The following RAB11B variants were observed in gnomAD, a reference collection of about 807,000 sequenced individuals.
RAB11B encodes the protein ras-related protein Rab-11B.
RAB11B carries 7 observed loss-of-function variants against 23.7 expected under a neutral mutation model. The ratio of observed to expected loss-of-function variants is 0.29; its 90% confidence interval spans 0.17 to 0.55. The LOEUF (loss-of-function observed/expected upper bound fraction) is 0.55, where lower values mean the gene tolerates loss of function less well. Among genes scored for constraint, RAB11B ranks in the 20% least tolerant of loss-of-function variants. The pLI is 0.93. For synonymous variants in RAB11B, 138 were observed against 132.0 expected, an observed-to-expected ratio of 1.05 and a Z score of -0.31; for missense variants, 189 against 320.0, an observed-to-expected ratio of 0.59 and a Z score of 3.12.
intron 4 of RAB11B, 104 bp downstream of exon 4, chr19:8,402,669 T>TTGTTTTTTTCTTTC: frequency 1.1e-6 from 1 of 942,522 alleles, no homozygotes. Flanking sequence ...TTTTTTCTTT[T>TTGTTTTTTTCTTTC]TTTTGTCGGG....
At position 8,396,713 on chromosome 19, in the gene RAB11B, G is replaced by GT. The variant is rs1220959295; in HGVS notation, c.41-3150_41-3149insT. On this transcript the variant is annotated intron_variant, in intron 1 of 4. Transcript: ENST00000328024. This position sits in a 1 kb window ranked among gnomAD's most constrained non-coding sequence, Gnocchi z 5.0. ...TGTGGCTGGAGCAGAGTGAGCCGGG[G>GT]GGGGGGCGGGAGGGAGGAGGGGAGG... Among the ~76,000 whole-genome samples the GT allele has an allele frequency of 1.4e-5, 2 of 147,158 alleles. No individual in the cohort carries two copies. Among genetic ancestry groups the GT allele is most frequent in the African/African-American group, 2.5e-5 (1 of 39,354 alleles).
In RAB11B at chr19:8,398,998, G is replaced by T. The variant is rs185370416; in HGVS notation, c.41-865G>T. On this transcript the variant is annotated intron_variant, in intron 1 of 4. Transcript: ENST00000328024. ...GATGGAGTCTCGCTCTGTCACCCAG[G>T]CTGGAGTACGGTGGCGTGATCTCGG... 1.6e-4 allele frequency among the ~76,000 whole-genome samples: 24 copies of T among 151,498 alleles called. No individual in the cohort carries two copies. In the East Asian group the frequency reaches 4.7e-3, roughly 29 times the overall value.
At chr19:8,397,380 C>G (rs997786051) in intron 1 of RAB11B, among the ~76,000 whole-genome samples, 2 of 151,976 alleles carry the variant, frequency 1.3e-5, no homozygotes. Context: ...CCCTGAGGTT[C>G]GAAGGTAGAG....
chr19:8,400,436 C>A, intron 2 of RAB11B: 1 of 261,990 alleles, frequency 3.8e-6, no homozygotes, highest in Non-Finnish European at 7.5e-6. Context: ...CCATTCCCTG[C>A]AAAGGCTTCC....
rs1238531348 is a variant in RAB11B at position 8,396,500 on chromosome 19, A to G, written c.41-3363A>G. Among the ~76,000 whole-genome samples the G allele has an allele frequency of 6.6e-6, 1 of 152,102 alleles. No homozygotes were observed. Among genetic ancestry groups the G allele is most frequent in the Non-Finnish European group, 1.5e-5 (1 of 68,030 alleles). On this transcript the variant is annotated intron_variant, in intron 1 of 4. Coordinates refer to ENST00000328024, the MANE Select transcript of RAB11B (RefSeq NM_004218.4). The surrounding 1 kb of genome is among the most constrained non-coding windows in gnomAD (Gnocchi z 5.0). Reference sequence around the variant, plus strand: ...CCGGGAGCAGGGTAATTCGGAGAGTAGAGTTTTAGTAGCATAGCAGGGAGG... The same window carrying G: ...CCGGGAGCAGGGTAATTCGGAGAGTGGAGTTTTAGTAGCATAGCAGGGAGG...
chr19:8,403,483 C>T lies in RAB11B; in HGVS notation c.582C>T (p.Asn194=), dbSNP rs199541475. Residue 194 remains asparagine, a synonymous_variant, in exon 5 of 5, where the codon AAC becomes AAT. Coordinates refer to ENST00000328024, the MANE Select transcript of RAB11B (RefSeq NM_004218.4). ...CCCACGACGAGTCCCCGGGGAACAA[C>T]GTGGTGGACATCAGCGTGCCGCCCA... ...RAAHDESPGN[N]VVDISVPPTT... 411 of 1,613,780 alleles carry T rather than the reference C, an allele frequency of 2.5e-4. No homozygotes were observed. The highest frequency in any genetic ancestry group is 3.1e-4 in the Non-Finnish European group (365 of 1,179,816).
chr19:8,403,668 A>C lies in RAB11B; in HGVS notation c.*110A>C. 1 of 1,454,036 alleles carries C rather than the reference A, an allele frequency of 6.9e-7. No homozygotes were observed. The highest frequency in any genetic ancestry group is 1.3e-5 in the South Asian group (1 of 76,202). The allele number at this position is 1,454,036 out of a possible 1,614,324, so 90.1% of individuals were successfully genotyped here. A position where few individuals can be genotyped will look rare whatever the true frequency, so the allele number is the denominator to read the frequency against. ...GTGGCCGGCTCGTTCCAGCCCTCCC[A>C]GTGAGCTCTGCACGGCCGGGCCGGG... is the stretch of plus-strand genomic sequence containing the variant. On this transcript the variant is annotated 3_prime_UTR_variant, in exon 5 of 5. Coordinates refer to ENST00000328024, the MANE Select transcript of RAB11B (RefSeq NM_004218.4).
At chr19:8,401,560 T>C (rs1971437726) in intron 2 of RAB11B, among the ~76,000 whole-genome samples, 1 of 151,606 alleles carries the variant, frequency 6.6e-6, no homozygotes, top group Admixed American at 6.6e-5. Flanking sequence ...CTAATTTTTG[T>C]ATTTTTAGTA....
intron 1 of RAB11B, among the ~76,000 whole-genome samples, chr19:8,391,657 G>A (rs905490798): frequency 4.6e-5 from 7 of 152,162 alleles, no homozygotes; most frequent in African/African-American, 7.2e-5. Context: ...CCTTCACCCT[G>A]CGGCCTGCTC....
Position 8,390,409 on chromosome 19 carries a change from C to T in RAB11B, c.-8C>T, listed in dbSNP as rs775610757. On this transcript the variant is annotated 5_prime_UTR_variant, in exon 1 of 5. Coordinates refer to ENST00000328024, the MANE Select transcript of RAB11B (RefSeq NM_004218.4). ...GGAGTCGCCGATCCCGCCGGAAGCG[C>T]CAGGACAATGGGGACCCGGGACGAC... 11 of 1,534,102 alleles carry T rather than the reference C, an allele frequency of 7.2e-6. No homozygotes were observed. In the Admixed American group the frequency reaches 1.8e-4, roughly 25 times the overall value.
intron 1 of RAB11B, among the ~76,000 whole-genome samples, chr19:8,397,110 A>G (rs1971403198): frequency 6.6e-6 from 1 of 152,184 alleles, no homozygotes; most frequent in Admixed American, 6.5e-5. Flanking sequence ...GACCAAGCCA[A>G]AGTTAACCAA....
chr19:8,392,645 C>G (rs1166243233), intron 1 of RAB11B, among the ~76,000 whole-genome samples: 2 of 150,368 alleles, frequency 1.3e-5, no homozygotes, highest in Admixed American at 1.3e-4. Context: ...AGAGGACCTC[C>G]TCTATTCTCT....
intron 1 of RAB11B, among the ~76,000 whole-genome samples, chr19:8,392,984 C>T (rs1189321097): frequency 1.5e-5 from 2 of 129,608 alleles, no homozygotes; most frequent in Non-Finnish European, 3.2e-5. Flanking sequence ...CCGTGCCTGG[C>T]CTCTGCATTT....
chr19:8,391,221 G>A (rs1026294735), intron 1 of RAB11B, among the ~76,000 whole-genome samples: 3 of 152,184 alleles, frequency 2.0e-5, no homozygotes, highest in African/African-American at 7.2e-5. Context: ...TTACACGTTG[G>A]GAAACTGAGG....
At position 8,396,707 on chromosome 19, in the gene RAB11B, G is replaced by GC. The variant is rs1209681315; in HGVS notation, c.41-3154dup. ...GGCCTGTGTGGCTGGAGCAGAGTGAGCCGGGGGGGGGGCGGGAGGGAGGAG... is the reference window on the plus strand; with the variant it reads ...GGCCTGTGTGGCTGGAGCAGAGTGAGCCCGGGGGGGGGGCGGGAGGGAGGAG... On this transcript the variant is annotated intron_variant, in intron 1 of 4. Coordinates refer to ENST00000328024, the MANE Select transcript of RAB11B (RefSeq NM_004218.4). This position sits in a 1 kb window ranked among gnomAD's most constrained non-coding sequence, Gnocchi z 5.0. 1.5e-4 allele frequency among the ~76,000 whole-genome samples: 21 copies of GC among 139,370 alleles called. No homozygotes were observed. Among genetic ancestry groups the GC allele is most frequent in the African/African-American group, 5.9e-4 (21 of 35,378 alleles). 91.4% of individuals were successfully genotyped at this position (139,370 alleles called of 152,430 possible).
rs1374571760 is a variant in RAB11B at position 8,400,000 on chromosome 19, A to C, written c.178A>C (p.Ile60Leu). The C allele has an allele frequency of 6.2e-7, 1 of 1,614,026 alleles. No homozygotes were observed. Reference protein sequence around the residue: ...TRSIQVDGKTIKAQIWDTAGQ... With the variant: ...TRSIQVDGKTLKAQIWDTAGQ... The stretch of plus-strand genomic sequence containing the variant: ...CAGCATCCAGGTGGACGGCAAGACC[A>C]TCAAGGCGCAGATCTGGGACACCGC... The change falls in exon 2 of 5, where the codon ATC becomes CTC. Residue 60 changes from isoleucine (I) to leucine (L), a missense_variant. Ile to Leu is a conservative substitution (Grantham distance 5). Transcript: ENST00000328024.
chr19:8,395,687 A>G (rs1019206486), intron 1 of RAB11B, among the ~76,000 whole-genome samples: 2 of 152,044 alleles, frequency 1.3e-5, no homozygotes, highest in Non-Finnish European at 2.9e-5. Context: ...GGGAGAGGAG[A>G]GGTCTGAGCC....
rs1171589297 is a variant in RAB11B at position 8,396,718 on chromosome 19, G to C, written c.41-3145G>C. ...CTGGAGCAGAGTGAGCCGGGGGGGG[G>C]GCGGGAGGGAGGAGGGGAGGGCCCT... On this transcript the variant is annotated intron_variant, in intron 1 of 4. Transcript: ENST00000328024. This position sits in a 1 kb window ranked among gnomAD's most constrained non-coding sequence, Gnocchi z 5.0. Among the ~76,000 whole-genome samples the C allele has an allele frequency of 1.4e-5, 2 of 143,014 alleles. 1 individual carries two copies. 93.8% of individuals were successfully genotyped at this position (143,014 alleles called of 152,430 possible).
chr19:8,392,675 TTTTTCTTTTC>T (rs1568226945), intron 1 of RAB11B, among the ~76,000 whole-genome samples: 1 of 130,362 alleles, frequency 7.7e-6, no homozygotes, highest in Non-Finnish European at 1.6e-5. Flanking sequence ...TTTCTTTTCC[TTTTTCTTTTC>T]TTTTTTTTTT....
Sources: gnomAD v4.1 joint callset for allele counts (sites outside exome capture counted in the v4.1 genomes callset) on GRCh38, gnomAD v4.1.1 for gene constraint, Gnocchi (gnomAD v3.1) non-coding constraint, MANE v1.5 for transcripts, NCBI Gene and HGNC (gene_info 2026-07-23, HGNC 2026-07-21) for gene names.